Variants in OTUD7A observed in about 807,000 individuals in gnomAD.
OTUD7A encodes the protein OTU deubiquitinase 7A.
OTUD7A carries 12 observed loss-of-function variants against 65.7 expected under a neutral mutation model. The ratio of observed to expected loss-of-function variants is 0.18; its 90% CI spans 0.12 to 0.30. The LOEUF (loss-of-function observed/expected upper bound fraction) is 0.30. Among genes scored for constraint, OTUD7A ranks in the 10% least tolerant of loss-of-function variants. The pLI is 1.00. For missense variants in OTUD7A, 1,148 were observed against 1,304.8 expected, an observed-to-expected ratio of 0.88 and a Z score of 1.85; for synonymous variants, 641 against 586.3, an observed-to-expected ratio of 1.09 and a Z score of -1.35.
intron 3 of OTUD7A, among the ~76,000 whole-genome samples, chr15:31,573,303 T>G (rs529763690): frequency 6.6e-6 from 1 of 152,294 alleles, no homozygotes; most frequent in South Asian, 2.1e-4. Context: ...CAAACCATTT[T>G]AAACATGAAT....
intron 1 of OTUD7A, among the ~76,000 whole-genome samples, chr15:31,724,061 T>G (rs1412480632): frequency 2.2e-3 from 310 of 143,068 alleles, no homozygotes; most frequent in African/African-American, 3.7e-3. Flanking sequence ...ACATGTTTAT[T>G]GGCTATTTAT....
At chr15:31,588,520 C>A (rs888765397) in intron 3 of OTUD7A, among the ~76,000 whole-genome samples, 23 of 152,174 alleles carry the variant, frequency 1.5e-4, no homozygotes, top group Non-Finnish European at 2.8e-4. Context: ...TGGGTATTTT[C>A]ATAATGAATT....
chr15:31,772,364 C>T (rs567935814), intron 1 of OTUD7A, among the ~76,000 whole-genome samples: 1 of 151,902 alleles, frequency 6.6e-6, no homozygotes, highest in African/African-American at 2.4e-5. Flanking sequence ...CTTTTTCATT[C>T]ACCTCTATGT....
chr15:31,740,584 A>T (rs577346011), intron 1 of OTUD7A, among the ~76,000 whole-genome samples: 5 of 152,106 alleles, frequency 3.3e-5, no homozygotes, highest in Non-Finnish European at 7.4e-5. Context: ...TATTTTGAAA[A>T]ATTGGTTTAA....
intron 8 of OTUD7A, among the ~76,000 whole-genome samples, chr15:31,504,955 A>C (rs1273979674): frequency 6.6e-6 from 1 of 150,716 alleles, no homozygotes; most frequent in Non-Finnish European, 1.5e-5. Context: ...CAGTGGCGTT[A>C]TCTCAGCTCA....
intron 1 of OTUD7A, among the ~76,000 whole-genome samples, chr15:31,803,748 T>C (rs569619044): frequency 1.3e-5 from 2 of 152,194 alleles, no homozygotes; most frequent in African/African-American, 2.4e-5. Context: ...ACTGTGACCA[T>C]CTGAGAGCAA....
At chr15:31,566,538 C>G (rs1888880426) in intron 4 of OTUD7A, among the ~76,000 whole-genome samples, 1 of 152,128 alleles carries the variant, frequency 6.6e-6, no homozygotes, top group African/African-American at 2.4e-5. Flanking sequence ...ACACCATTTT[C>G]CACTCTTCAG....
At chr15:31,504,182 G>C (rs756419755) in intron 8 of OTUD7A, among the ~76,000 whole-genome samples, 1 of 152,192 alleles carries the variant, frequency 6.6e-6, no homozygotes, top group Admixed American at 6.5e-5. Flanking sequence ...GTGGGGGCCA[G>C]AGGGATGGAG....
intron 3 of OTUD7A, among the ~76,000 whole-genome samples, chr15:31,583,251 G>A (rs745354176): frequency 6.6e-6 from 1 of 152,176 alleles, no homozygotes; most frequent in Non-Finnish European, 1.5e-5. Flanking sequence ...CTAGCAAGAG[G>A]CATTCATGCA....
chr15:31,679,562 T>C (rs371172099), intron 1 of OTUD7A, among the ~76,000 whole-genome samples: 3 of 152,186 alleles, frequency 2.0e-5, no homozygotes, highest in Admixed American at 6.5e-5. Context: ...TGAGTTCTCA[T>C]GAGATATGAT....
chr15:31,629,931 T>G (rs2141247894), intron 3 of OTUD7A, among the ~76,000 whole-genome samples: 1 of 152,354 alleles, frequency 6.6e-6, no homozygotes, highest in East Asian at 1.9e-4. Flanking sequence ...GTGGGATCAG[T>G]GGTGATATCC....
At chr15:31,666,522 C>G (rs1382947062) in intron 1 of OTUD7A, among the ~76,000 whole-genome samples, 2 of 152,136 alleles carry the variant, frequency 1.3e-5, no homozygotes, top group East Asian at 3.9e-4. Context: ...TAGATTTTCT[C>G]TCTTCTTTTC....
At chr15:31,853,199 T>C (rs758991553) in intron 1 of OTUD7A, among the ~76,000 whole-genome samples, 1 of 152,194 alleles carries the variant, frequency 6.6e-6, no homozygotes. Context: ...TCAGCATCCG[T>C]GCAAAACAGT....
rs1566892716 is a variant in OTUD7A at position 31,511,044 on chromosome 15, G to GTATATCTATATGTAACATACATA, written c.894-7249_894-7227dup. The stretch of plus-strand genomic sequence containing the variant: ...ATGTATATCTATATGTAACATACAT[G>GTATATCTATATGTAACATACATA]TATATCTATATGTAACATACATATA... On this transcript the variant is annotated intron_variant, in intron 8 of 12. Coordinates refer to ENST00000307050, the MANE Select transcript of OTUD7A (RefSeq NM_001382637.1). Among the ~76,000 whole-genome samples, 32 of 79,320 alleles carry GTATATCTATATGTAACATACATA rather than the reference G, an allele frequency of 4.0e-4. 12 individuals carry two copies. Among genetic ancestry groups the GTATATCTATATGTAACATACATA allele is most frequent in the South Asian group, 1.1e-3 (3 of 2,692 alleles). 52.0% of individuals were successfully genotyped at this position (79,320 alleles called of 152,430 possible). A position where few individuals can be genotyped will look rare whatever the true frequency, so the allele number is the denominator to read the frequency against.
chr15:31,805,360 G>T (rs1388333642), intron 1 of OTUD7A, among the ~76,000 whole-genome samples: 2 of 152,196 alleles, frequency 1.3e-5, no homozygotes, highest in African/African-American at 4.8e-5. Context: ...GCAAAGGACA[G>T]GCCTGGGCTC....
chr15:31,826,053 C>T (rs1451427443), intron 1 of OTUD7A, among the ~76,000 whole-genome samples: 1 of 152,176 alleles, frequency 6.6e-6, no homozygotes, highest in Non-Finnish European at 1.5e-5. Context: ...TTCTCCAGGC[C>T]CATAGTACAA....
chr15:31,612,343 G>A (rs1283982206), intron 3 of OTUD7A, among the ~76,000 whole-genome samples: 1 of 152,202 alleles, frequency 6.6e-6, no homozygotes, highest in Non-Finnish European at 1.5e-5. Context: ...AATCGGTGAT[G>A]AGGAAGTCAA....
At chr15:31,538,993 G>A (rs1039384608) in intron 5 of OTUD7A, among the ~76,000 whole-genome samples, 3 of 152,230 alleles carry the variant, frequency 2.0e-5, no homozygotes, top group East Asian at 1.9e-4. Context: ...AAATGCTGAC[G>A]AATATGTGCT....
At chr15:31,539,399 A>C (rs1887916650) in intron 5 of OTUD7A, among the ~76,000 whole-genome samples, 1 of 152,118 alleles carries the variant, frequency 6.6e-6, no homozygotes, top group South Asian at 2.1e-4. Flanking sequence ...CACTTGGGAG[A>C]AGGGTGAGGA....
Sources: allele counts gnomAD v4.1 joint callset (sites outside exome capture counted in the v4.1 genomes callset), GRCh38; gene constraint gnomAD v4.1.1; transcripts MANE v1.5; gene names NCBI Gene and HGNC (gene_info 2026-07-23, HGNC 2026-07-21).